The following NRG3 variants were observed in gnomAD, a reference collection of about 807,000 sequenced individuals.
The protein encoded by NRG3 is pro-neuregulin-3, membrane-bound isoform.
NRG3 carries 31 observed loss-of-function variants against 66.9 expected under a neutral mutation model. The observed-to-expected ratio is 0.46, with a 90% CI of 0.35 to 0.63. The LOEUF (loss-of-function observed/expected upper bound fraction) is 0.63, where lower values mean the gene tolerates loss of function less well. NRG3 is among the 20% of genes least tolerant of loss of function. The pLI, the probability that NRG3 is intolerant of heterozygous loss-of-function variation, is 0.00. For missense variants in NRG3, 910 were observed against 878.9 expected, an observed-to-expected ratio of 1.04 and a Z score of -0.45; for synonymous variants, 393 against 359.4, an observed-to-expected ratio of 1.09 and a Z score of -1.06.
chr10:81,894,567 G>A (rs1164486069), intron 1 of NRG3, among the ~76,000 whole-genome samples: 1 of 152,040 alleles, frequency 6.6e-6, no homozygotes, highest in African/African-American at 2.4e-5. Flanking sequence ...TTACGGCCTC[G>A]ACATATGAAT....
At chr10:82,437,594 C>G (rs1001157055) in intron 2 of NRG3, among the ~76,000 whole-genome samples, 2 of 152,026 alleles carry the variant, frequency 1.3e-5, no homozygotes, top group Admixed American at 6.6e-5. Flanking sequence ...AGAGATGTTG[C>G]GATCATTTGG....
At chr10:82,155,954 A>T (rs2071155446) in intron 1 of NRG3, among the ~76,000 whole-genome samples, 1 of 151,718 alleles carries the variant, frequency 6.6e-6, no homozygotes, top group South Asian at 2.1e-4. Flanking sequence ...AAACATATCG[A>T]TTATTTTCTG....
At chr10:82,733,655 G>T (rs1364684837) in intron 2 of NRG3, among the ~76,000 whole-genome samples, 1 of 152,222 alleles carries the variant, frequency 6.6e-6, no homozygotes, top group African/African-American at 2.4e-5. Context: ...GAAATCCACA[G>T]ATGTGGAGCA....
intron 1 of NRG3, among the ~76,000 whole-genome samples, chr10:82,281,251 G>A (rs1360696297): frequency 6.6e-6 from 1 of 152,116 alleles, no homozygotes; most frequent in African/African-American, 2.4e-5. Context: ...GTCTTCTGAT[G>A]TCCAGTCATG....
rs572838319 is a variant in NRG3, at chr10:82,711,671, A to G, written c.954-26906A>G. ...TTCCCCTCTGACTTCTTCCAATGCT[A>G]CTTAAGTATTATACTAATTCCCACA... On this transcript the variant is annotated intron_variant, in intron 2 of 8. Coordinates refer to ENST00000372141, the MANE Select transcript of NRG3 (RefSeq NM_001010848.4). Among the ~76,000 whole-genome samples, 11 of 151,996 alleles carry G rather than the reference A, an allele frequency of 7.2e-5. No homozygotes were observed. In the South Asian group the frequency reaches 1.2e-3, roughly 17 times the overall value.
intron 2 of NRG3, among the ~76,000 whole-genome samples, chr10:82,366,753 T>C (rs2084554145): frequency 6.6e-6 from 1 of 152,192 alleles, no homozygotes; most frequent in African/African-American, 2.4e-5. Context: ...TAGATTTTAC[T>C]TGTGGAAAAT....
chr10:82,719,736 C>T (rs2057184204), intron 2 of NRG3, among the ~76,000 whole-genome samples: 1 of 152,190 alleles, frequency 6.6e-6, no homozygotes, highest in Non-Finnish European at 1.5e-5. Flanking sequence ...CATGCTGTTG[C>T]CAGTCCCTGT....
intron 1 of NRG3, among the ~76,000 whole-genome samples, chr10:82,175,876 C>A (rs1352770823): frequency 2.0e-5 from 3 of 152,118 alleles, no homozygotes. Flanking sequence ...TATATCATTT[C>A]ATTTGATTTC....
At chr10:82,677,662 A>ATTC (rs1810945830) in intron 2 of NRG3, among the ~76,000 whole-genome samples, 1 of 152,152 alleles carries the variant, frequency 6.6e-6, no homozygotes, top group South Asian at 2.1e-4. Context: ...TACTACCTCA[A>ATTC]TTCTTGATCC....
In NRG3 at chr10:82,051,207, A is replaced by G. The variant is rs533959537; in HGVS notation, c.823+175044A>G. On this transcript the variant is annotated intron_variant, in intron 1 of 8. Coordinates refer to ENST00000372141, the MANE Select transcript of NRG3 (RefSeq NM_001010848.4). Reference sequence around the variant, plus strand: ...CAAAAGCTACAGATAAAAGGACATTAATTTTTAAGAGGCCACTCAATCAGA... The same window carrying G: ...CAAAAGCTACAGATAAAAGGACATTGATTTTTAAGAGGCCACTCAATCAGA... 2.6e-5 allele frequency among the ~76,000 whole-genome samples: 4 copies of G among 152,278 alleles called. No homozygotes were observed. The South Asian group carries it at 8.3e-4, about 32-fold the overall frequency.
At chr10:82,081,001 G>C (rs977034844) in intron 1 of NRG3, among the ~76,000 whole-genome samples, 6 of 152,098 alleles carry the variant, frequency 3.9e-5, no homozygotes, top group Non-Finnish European at 8.8e-5. Context: ...GGTCCTCACT[G>C]TCAGCTAAAC....
chr10:81,979,620 G>T (rs2060259833), intron 1 of NRG3, among the ~76,000 whole-genome samples: 1 of 152,066 alleles, frequency 6.6e-6, no homozygotes, highest in Non-Finnish European at 1.5e-5. Context: ...TATAATAAGA[G>T]CTTACATCCA....
chr10:82,233,270 C>T (rs1401312305), intron 1 of NRG3, among the ~76,000 whole-genome samples: 1 of 152,116 alleles, frequency 6.6e-6, no homozygotes, highest in African/African-American at 2.4e-5. Context: ...GAGGCTGAAG[C>T]AGGAGAATGG....
intron 3 of NRG3, among the ~76,000 whole-genome samples, chr10:82,807,186 C>T (rs2061324835): frequency 6.6e-6 from 1 of 152,170 alleles, no homozygotes; most frequent in Admixed American, 6.6e-5. Flanking sequence ...AATGAGACAT[C>T]TGTCAAAGTA....
At chr10:82,123,614 G>C (rs2132399001) in intron 1 of NRG3, among the ~76,000 whole-genome samples, 1 of 152,242 alleles carries the variant, frequency 6.6e-6, no homozygotes, top group Non-Finnish European at 1.5e-5. Flanking sequence ...TCCCTGCAAA[G>C]GTGGGAGCAC....
intron 3 of NRG3, among the ~76,000 whole-genome samples, chr10:82,747,778 T>C (rs1486134050): frequency 1.3e-5 from 2 of 152,004 alleles, no homozygotes; most frequent in Non-Finnish European, 2.9e-5. Flanking sequence ...TTATTTATGA[T>C]ATTTTTTGAA....
At chr10:82,220,797 A>T (rs908465940) in intron 1 of NRG3, among the ~76,000 whole-genome samples, 1 of 152,152 alleles carries the variant, frequency 6.6e-6, no homozygotes, top group Admixed American at 6.6e-5. Flanking sequence ...CTTACAACAC[A>T]AGCCTGGACA....
intron 2 of NRG3, among the ~76,000 whole-genome samples, chr10:82,500,607 G>T (rs970294486): frequency 2.7e-5 from 4 of 150,372 alleles, no homozygotes; most frequent in African/African-American, 9.7e-5. Context: ...TCCTTTCAGT[G>T]GGTCTTTAGA....
At chr10:82,462,641 T>C (rs2091571230) in intron 2 of NRG3, among the ~76,000 whole-genome samples, 1 of 152,022 alleles carries the variant, frequency 6.6e-6, no homozygotes, top group African/African-American at 2.4e-5. Context: ...GGAATATTCA[T>C]CTCACTGGAG....
Sources: gnomAD v4.1 joint callset for allele counts (sites outside exome capture counted in the v4.1 genomes callset) on GRCh38, gnomAD v4.1.1 for gene constraint, MANE v1.5 for transcripts, NCBI Gene and HGNC (gene_info 2026-07-23, HGNC 2026-07-21) for gene names.